Variants in POC1A observed in about 807,000 individuals in gnomAD.
The protein encoded by POC1A is POC1 centriolar protein A, also known as POC1 centriolar protein homolog A.
Under a neutral mutation model 47.8 loss-of-function variants are expected in POC1A, and 34 were observed. The observed-to-expected ratio is 0.71, with a 90% CI of 0.54 to 0.95. The LOEUF is 0.95. Among genes scored for constraint, POC1A ranks in the 40% least tolerant of loss-of-function variants. POC1A has a pLI of 0.00. For synonymous variants in POC1A, 177 were observed against 207.6 expected (o/e 0.85, Z 1.27); for missense variants, 466 against 528.3 (o/e 0.88, Z 1.16).
chr3:52,127,010 G>A (rs1704028229), intron 7 of POC1A, among the ~76,000 whole-genome samples: 1 of 152,184 alleles, frequency 6.6e-6, no homozygotes, highest in Middle Eastern at 3.2e-3. Flanking sequence ...AAGCCTGAGA[G>A]GACACAAAGA....
chr3:52,081,171 T>A (rs549940366), intron 10 of POC1A, among the ~76,000 whole-genome samples: 2 of 152,214 alleles, frequency 1.3e-5, no homozygotes, highest in Non-Finnish European at 2.9e-5. Context: ...AGACCAAGGG[T>A]TAGCAAACTA....
At chr3:52,121,686 G>C (rs1243032167) in intron 9 of POC1A, among the ~76,000 whole-genome samples, 2 of 152,174 alleles carry the variant, frequency 1.3e-5, no homozygotes, top group African/African-American at 4.8e-5. Context: ...ATGGTCCAAC[G>C]GAGAGACATC....
Position 52,087,073 on chromosome 3 carries a change from G to A in POC1A, c.1125+9496C>T, listed in dbSNP as rs116144402. 4.5e-3 allele frequency among the ~76,000 whole-genome samples: 679 copies of A among 152,344 alleles called. 3 individuals carry two copies. The highest frequency in any genetic ancestry group is 6.9e-3 in the Non-Finnish European group (466 of 68,028). On this transcript the variant is annotated intron_variant, in intron 10 of 10. Transcript: ENST00000296484. ...TCACCCCAGCGTGGGTCTTGGACCTGGTGAGCTTGAAGGGATAGAGGGAGA... is the reference window on the plus strand; with the variant it reads ...TCACCCCAGCGTGGGTCTTGGACCTAGTGAGCTTGAAGGGATAGAGGGAGA...
At chr3:52,138,437 A>C (rs1698061191) in intron 6 of POC1A, 135 bp from the exon 7 acceptor site, 1 of 884,716 alleles carries the variant, frequency 1.1e-6, no homozygotes, top group Non-Finnish European at 1.7e-6. Flanking sequence ...ATTGCTCAGA[A>C]GAGCTGTGGG....
At chr3:52,105,510 G>A (rs1051082733) in intron 9 of POC1A, among the ~76,000 whole-genome samples, 3 of 152,176 alleles carry the variant, frequency 2.0e-5, no homozygotes, top group South Asian at 2.1e-4. Context: ...CCGAGCTCAC[G>A]TGGACTCAGC....
rs201462988 is a variant in POC1A at position 52,080,061 on chromosome 3, G to A, written c.1126-4076C>T. Among the ~76,000 whole-genome samples, 6 of 152,122 alleles carry A rather than the reference G, an allele frequency of 3.9e-5. No homozygotes were observed. The East Asian group carries it at 9.6e-4, about 24-fold the overall frequency. On this transcript the variant is annotated intron_variant, in intron 10 of 10. Transcript: ENST00000296484. ...GCTTCTCTTGGCAGCTGACTTTCAC[G>A]GGACGCTCGTGTGTGCCAAAAACTT...
intron 4 of POC1A, among the ~76,000 whole-genome samples, chr3:52,148,749 C>T (rs923599760): frequency 6.6e-6 from 1 of 152,206 alleles, no homozygotes; most frequent in Non-Finnish European, 1.5e-5. Context: ...GGTTCAAACT[C>T]CAGCTCTGCC....
At position 52,130,468 on chromosome 3, in the gene POC1A, G is replaced by A. The variant is rs746693106; in HGVS notation, c.814-5287C>T. Among the ~76,000 whole-genome samples, 6 of 152,320 alleles carry A rather than the reference G, an allele frequency of 3.9e-5. No homozygotes were observed. The East Asian group carries it at 5.8e-4, about 15-fold the overall frequency. On this transcript the variant is annotated intron_variant, in intron 7 of 10. Transcript: ENST00000296484. ...AGGAGGCCATCATAACTCCACAGAC[G>A]GGGAGTGACCTCCTGACCCTGGCCG...
intron 9 of POC1A, 38 bp from the exon 10 acceptor site, chr3:52,096,750 G>C: frequency 6.6e-7 from 1 of 1,514,174 alleles, no homozygotes; most frequent in Non-Finnish European, 8.8e-7. Flanking sequence ...AGTCTATCCA[G>C]TGCTTGAAGA....
chr3:52,142,779 T>C (rs1169246211), intron 6 of POC1A, among the ~76,000 whole-genome samples: 1 of 152,128 alleles, frequency 6.6e-6, no homozygotes, highest in East Asian at 1.9e-4. Flanking sequence ...GAGCCCTTCC[T>C]GGGGAATGAG....
rs368599164 is a variant in POC1A, at chr3:52,084,666, C to G, written c.1126-8681G>C. Among the ~76,000 whole-genome samples the G allele has an allele frequency of 6.6e-6, 1 of 152,230 alleles. No individual in the cohort carries two copies. The highest frequency in any genetic ancestry group is 1.5e-5 in the Non-Finnish European group (1 of 68,034). On this transcript the variant is annotated intron_variant, in intron 10 of 10. Transcript: ENST00000296484. The surrounding 1 kb of genome is among the most constrained non-coding windows in gnomAD (Gnocchi z 4.3). ...AGGCTTCCCCAGTCCATCCCCCTGC[C>G]CCCCCAGCTCTGGGGCAGCCCCTCT...
chr3:52,139,467 C>T (rs1164683392), intron 6 of POC1A, among the ~76,000 whole-genome samples: 1 of 152,164 alleles, frequency 6.6e-6, no homozygotes, highest in Non-Finnish European at 1.5e-5. Flanking sequence ...AACTTTTTTA[C>T]CCCTTGTTTC....
At chr3:52,077,112 T>C (rs529290796) in intron 10 of POC1A, among the ~76,000 whole-genome samples, 24 of 152,358 alleles carry the variant, frequency 1.6e-4, no homozygotes, top group African/African-American at 5.5e-4. Flanking sequence ...CTCTTTAGGG[T>C]TGGCTGAGTG....
intron 6 of POC1A, among the ~76,000 whole-genome samples, chr3:52,143,925 C>T (rs989745826): frequency 6.6e-6 from 1 of 152,208 alleles, no homozygotes; most frequent in Non-Finnish European, 1.5e-5. Flanking sequence ...CTGTTATACC[C>T]ATGAACACCA....
At chr3:52,077,965 A>G (rs1255915822) in intron 10 of POC1A, among the ~76,000 whole-genome samples, 1 of 152,164 alleles carries the variant, frequency 6.6e-6, no homozygotes, top group African/African-American at 2.4e-5. Context: ...AAATGTGTCT[A>G]AATTATTTGA....
intron 7 of POC1A, 64 bp downstream of exon 7, chr3:52,138,105 C>T (rs1704541145): frequency 1.3e-6 from 2 of 1,572,544 alleles, no homozygotes; most frequent in African/African-American, 1.3e-5. Flanking sequence ...GCATCTTGCC[C>T]ACTGCCCAGA....
At chr3:52,078,503 C>CTTTTTT (rs531817608) in intron 10 of POC1A, among the ~76,000 whole-genome samples, 3 of 113,530 alleles carry the variant, frequency 2.6e-5, no homozygotes, top group Non-Finnish European at 3.6e-5. Context: ...ATGGAAATCT[C>CTTTTTT]TTTTTTTTTT....
chr3:52,151,610 CAAAAA>C (rs575884047), intron 1 of POC1A, among the ~76,000 whole-genome samples: 1 of 55,832 alleles, frequency 1.8e-5, no homozygotes. Flanking sequence ...GACTCCGTCT[CAAAAA>C]AAAAAAAAAA....
At chr3:52,127,807 T>C (rs1704065479) in intron 7 of POC1A, among the ~76,000 whole-genome samples, 1 of 151,998 alleles carries the variant, frequency 6.6e-6, no homozygotes, top group Admixed American at 6.6e-5. Context: ...GCGATTCCTG[T>C]GCCTCAGCCT....
Sources: allele counts gnomAD v4.1 joint callset (sites outside exome capture counted in the v4.1 genomes callset), GRCh38; gene constraint gnomAD v4.1.1; non-coding constraint Gnocchi (gnomAD v3.1); transcripts MANE v1.5; gene names NCBI Gene and HGNC (gene_info 2026-07-23, HGNC 2026-07-21).